The following RFTN1 variants were observed in gnomAD, a reference collection of about 807,000 sequenced individuals.
The protein encoded by RFTN1 is raftlin, lipid raft linker 1.
RFTN1 carries 26 observed loss-of-function variants against 46.5 expected under a neutral mutation model. The observed-to-expected ratio is 0.56, with a 90% confidence interval of 0.41 to 0.78. The LOEUF is 0.78. Among genes scored for constraint, RFTN1 ranks in the 30% least tolerant of loss-of-function variants. RFTN1 has a pLI of 0.00. For synonymous variants in RFTN1, 261 were observed against 284.2 expected (o/e 0.92, Z 0.82); for missense variants, 693 against 718.7 (o/e 0.96, Z 0.41).
intron 1 of RFTN1, among the ~76,000 whole-genome samples, chr3:16,497,573 C>T (rs1055587724): frequency 6.6e-6 from 1 of 152,176 alleles, no homozygotes; most frequent in Non-Finnish European, 1.5e-5. Context: ...CAAGGGAAGG[C>T]TCTCATGCCC....
chr3:16,423,649 G>T (rs1424518288), intron 3 of RFTN1, among the ~76,000 whole-genome samples: 1 of 152,132 alleles, frequency 6.6e-6, no homozygotes, highest in Non-Finnish European at 1.5e-5. Flanking sequence ...TAAATAAATG[G>T]TAGCTATGAT....
Position 16,370,032 on chromosome 3 carries a change from G to C in RFTN1, c.1030+44C>G. 1 of 1,557,736 alleles carries C rather than the reference G, an allele frequency of 6.4e-7. No individual in the cohort carries two copies. The highest frequency in any genetic ancestry group is 8.9e-7 in the Non-Finnish European group (1 of 1,128,844). ...ACTAAGATTTCAAGAGTTAGAAGCAGAGTTCACAAAGGGCCACCCAAGGAC... is the reference window on the plus strand; with the variant it reads ...ACTAAGATTTCAAGAGTTAGAAGCACAGTTCACAAAGGGCCACCCAAGGAC... On this transcript the variant is annotated intron_variant, in intron 6 of 9. Coordinates refer to ENST00000334133, the MANE Select transcript of RFTN1 (RefSeq NM_015150.2). The surrounding 1 kb of genome is among the most constrained non-coding windows in gnomAD (Gnocchi z 5.5).
chr3:16,462,949 A>C (rs917916864), intron 2 of RFTN1, among the ~76,000 whole-genome samples: 2 of 152,268 alleles, frequency 1.3e-5, no homozygotes, highest in Non-Finnish European at 2.9e-5. Context: ...GAAGAATGCA[A>C]GAGACAATGA....
In RFTN1 at chr3:16,407,359, CTT is replaced by C. The variant is rs35520854; in HGVS notation, c.441+2014_441+2015del. On this transcript the variant is annotated intron_variant, in intron 4 of 9. Transcript: ENST00000334133. The surrounding 1 kb of genome is among the most constrained non-coding windows in gnomAD (Gnocchi z 4.0). ...CACCATGCTCGGCTTTTTAAAGAGA[CTT>C]TTTTTTTTTTGGCAGAGATGGAGGT... Among the ~76,000 whole-genome samples, 1 of 145,174 alleles carries C rather than the reference CTT, an allele frequency of 6.9e-6. No homozygotes were observed. Among genetic ancestry groups the C allele is most frequent in the African/African-American group, 2.5e-5 (1 of 39,600 alleles).
At chr3:16,368,839 G>A (rs940510002) in intron 6 of RFTN1, among the ~76,000 whole-genome samples, 15 of 152,214 alleles carry the variant, frequency 9.9e-5, no homozygotes, top group Admixed American at 9.2e-4. Flanking sequence ...CAAGTGCTCA[G>A]TAGCCGCAGG....
At position 16,475,203 on chromosome 3, in the gene RFTN1, G is replaced by A. The variant is rs1345307234; in HGVS notation, c.145+18522C>T. Among the ~76,000 whole-genome samples, 1 of 152,192 alleles carries A rather than the reference G, an allele frequency of 6.6e-6. No homozygotes were observed. Among genetic ancestry groups the A allele is most frequent in the Non-Finnish European group, 1.5e-5 (1 of 68,026 alleles). ...GAAGCCCTCACCAGAAGCAGATGCT[G>A]ACGCCATGCTTCTTGTACAGCTGGT... On this transcript the variant is annotated intron_variant, in intron 2 of 9. Transcript: ENST00000334133. The surrounding 1 kb of genome is among the most constrained non-coding windows in gnomAD (Gnocchi z 4.2).
intron 3 of RFTN1, among the ~76,000 whole-genome samples, chr3:16,430,502 GAAAATTCCTGTACTTT>G (rs2075364921): frequency 6.6e-6 from 1 of 152,262 alleles, no homozygotes; most frequent in African/African-American, 2.4e-5. Context: ...TGCTAGGAGA[GAAAATTCCTGTACTTT>G]AAAATTATAT....
Position 16,383,406 on chromosome 3 carries a change from T to C in RFTN1, c.442-5304A>G, listed in dbSNP as rs368342949. Among the ~76,000 whole-genome samples, 21 of 152,360 alleles carry C rather than the reference T, an allele frequency of 1.4e-4. No homozygotes were observed. The highest frequency in any genetic ancestry group is 4.8e-4 in the African/African-American group (20 of 41,580). On this transcript the variant is annotated intron_variant, in intron 4 of 9. Coordinates refer to ENST00000334133, the MANE Select transcript of RFTN1 (RefSeq NM_015150.2). This position sits in a 1 kb window ranked among gnomAD's most constrained non-coding sequence, Gnocchi z 4.0. Reference sequence around the variant, plus strand: ...AATCCACAACTTCACTCAGTTGCTCTATAATAAGTAAGGACATGCTCCACT... The same window carrying C: ...AATCCACAACTTCACTCAGTTGCTCCATAATAAGTAAGGACATGCTCCACT...
chr3:16,471,093 T>G lies in RFTN1; in HGVS notation c.145+22632A>C, dbSNP rs549002032. ...ATATCTGTTCCCAAAAACCACAGAA[T>G]AAAGCAAACCATTTTAATATGCATC... On this transcript the variant is annotated intron_variant, in intron 2 of 9. Coordinates refer to ENST00000334133, the MANE Select transcript of RFTN1 (RefSeq NM_015150.2). Among the ~76,000 whole-genome samples, 141 of 152,312 alleles carry G rather than the reference T, an allele frequency of 9.3e-4. 1 individual carries two copies. Among genetic ancestry groups the G allele is most frequent in the Middle Eastern group, 3.4e-3 (1 of 294 alleles).
chr3:16,366,428 G>GCTCTATATGTGGCCCCTGGA (rs1559294548), intron 6 of RFTN1, among the ~76,000 whole-genome samples: 1 of 120,002 alleles, frequency 8.3e-6, no homozygotes, highest in African/African-American at 3.2e-5. Flanking sequence ...GTGCCTGGCT[G>GCTCTATATGTGGCCCCTGGA]CTCTATATGT....
intron 2 of RFTN1, among the ~76,000 whole-genome samples, chr3:16,455,186 C>A (rs978472256): frequency 6.6e-6 from 1 of 152,234 alleles, no homozygotes; most frequent in Non-Finnish European, 1.5e-5. Flanking sequence ...AGCATATGAC[C>A]TGCCCAGTTT....
chr3:16,456,138 A>G (rs1052651298), intron 2 of RFTN1, among the ~76,000 whole-genome samples: 4 of 152,220 alleles, frequency 2.6e-5, no homozygotes, highest in African/African-American at 9.7e-5. Flanking sequence ...CACTTAATCC[A>G]AGAACAGCTA....
chr3:16,368,434 G>A (rs2073336111), intron 6 of RFTN1, among the ~76,000 whole-genome samples: 1 of 152,214 alleles, frequency 6.6e-6, no homozygotes, highest in Admixed American at 6.5e-5. Context: ...CACTTTGGGA[G>A]GCCAAGGCGG....
At chr3:16,416,233 G>C in intron 3 of RFTN1, 1 of 456,012 alleles carries the variant, frequency 2.2e-6, no homozygotes, top group South Asian at 1.6e-5. Flanking sequence ...GAATGAATAG[G>C]ACAAAATGAA....
intron 1 of RFTN1, among the ~76,000 whole-genome samples, chr3:16,508,026 T>G (rs914889380): frequency 1.9e-4 from 29 of 152,162 alleles, no homozygotes; most frequent in Middle Eastern, 6.3e-3. Context: ...TGTGGAAACC[T>G]CCAATACGGG....
At chr3:16,368,942 ATTC>A (rs2073369480) in intron 6 of RFTN1, among the ~76,000 whole-genome samples, 1 of 152,196 alleles carries the variant, frequency 6.6e-6, no homozygotes, top group Non-Finnish European at 1.5e-5. Flanking sequence ...CTCTGGATGT[ATTC>A]TTAACAAGCC....
chr3:16,368,114 G>A (rs1004481069), intron 6 of RFTN1, among the ~76,000 whole-genome samples: 9 of 151,956 alleles, frequency 5.9e-5, no homozygotes, highest in Admixed American at 1.3e-4. Context: ...GATGGGCAAT[G>A]TGGTGTCCCT....
In RFTN1 at chr3:16,387,246, C is replaced by T. The variant is rs1000642812; in HGVS notation, c.442-9144G>A. On this transcript the variant is annotated intron_variant, in intron 4 of 9. Transcript: ENST00000334133. The surrounding 1 kb of genome is among the most constrained non-coding windows in gnomAD (Gnocchi z 5.2). ...ACAAGGAGGAGGGCTCAAGGTCTCC[C>T]GCCAAGGCTGAGGCCACACGGCCAC... Among the ~76,000 whole-genome samples the T allele has an allele frequency of 2.0e-5, 3 of 152,228 alleles. No homozygotes were observed. Among genetic ancestry groups the T allele is most frequent in the African/African-American group, 4.8e-5 (2 of 41,462 alleles).
Position 16,443,189 on chromosome 3 carries a change from A to G in RFTN1, c.146-9152T>C, listed in dbSNP as rs956653165. ...GCTGTACTAGTTTACATTCCCACCA[A>G]CGGGGTGCAAGGGTTCTCTTATACT... On this transcript the variant is annotated intron_variant, in intron 2 of 9. Transcript: ENST00000334133. The surrounding 1 kb of genome is among the most constrained non-coding windows in gnomAD (Gnocchi z 5.5). Among the ~76,000 whole-genome samples, 1 of 152,164 alleles carries G rather than the reference A, an allele frequency of 6.6e-6. No homozygotes were observed. Among genetic ancestry groups the G allele is most frequent in the Non-Finnish European group, 1.5e-5 (1 of 68,030 alleles).
Sources: allele counts gnomAD v4.1 joint callset (sites outside exome capture counted in the v4.1 genomes callset), GRCh38; gene constraint gnomAD v4.1.1; non-coding constraint Gnocchi (gnomAD v3.1); transcripts MANE v1.5; gene names NCBI Gene and HGNC (gene_info 2026-07-23, HGNC 2026-07-21).